CDIN1: variants seen among roughly 807,000 people sequenced by gnomAD.
The protein encoded by CDIN1 is CDAN1 interacting nuclease 1, also known as CDAN1-interacting nuclease 1.
Under a neutral mutation model 45.3 loss-of-function variants are expected in CDIN1, and 33 were observed. That is an observed-to-expected ratio of 0.73 (90% CI 0.55 to 0.97). The LOEUF is 0.97. Ranked by LOEUF, CDIN1 falls within the 50% of genes least tolerant of loss-of-function variation. The pLI, the probability that CDIN1 is intolerant of heterozygous loss-of-function variation, is 0.00. For missense variants in CDIN1, 303 were observed against 339.4 expected, an observed-to-expected ratio of 0.89 and a Z score of 0.84; for synonymous variants, 118 against 124.4, an observed-to-expected ratio of 0.95 and a Z score of 0.34.
chr15:36,634,768 A>C (rs1452260589), intron 1 of CDIN1, among the ~76,000 whole-genome samples: 3 of 152,186 alleles, frequency 2.0e-5, no homozygotes, highest in Non-Finnish European at 4.4e-5. Flanking sequence ...CAGTAAAACC[A>C]GTTCCTTTCG....
At position 36,774,133 on chromosome 15, in the gene CDIN1, G is replaced by GGTGTGTGTGT. The variant is rs761451923; in HGVS notation, c.717-34169_717-34160dup. On this transcript the variant is annotated intron_variant, in intron 10 of 10. Coordinates refer to ENST00000566621, the MANE Select transcript of CDIN1 (RefSeq NM_001321759.2). ...CACCTGCCGGCAAGTAACTGACAGG[G>GGTGTGTGTGT]GTGTGTGTGTGTGTGTGTGTGTGTG... Among the ~76,000 whole-genome samples, 1,308 of 138,766 alleles carry GGTGTGTGTGT rather than the reference G, an allele frequency of 9.4e-3. 21 individuals carry two copies. Among genetic ancestry groups the GGTGTGTGTGT allele is most frequent in the African/African-American group, 0.034 (1,237 of 36,712 alleles). The allele number at this position is 138,766 out of a possible 152,430, so 91.0% of individuals were successfully genotyped here.
chr15:36,658,675 G>A (rs1230066224), intron 5 of CDIN1, among the ~76,000 whole-genome samples: 1 of 152,094 alleles, frequency 6.6e-6, no homozygotes, highest in Non-Finnish European at 1.5e-5. Context: ...GCTCAGCTGT[G>A]GTAGAATAGG....
At position 36,657,895 on chromosome 15, in the gene CDIN1, G is replaced by A; in HGVS notation, c.336G>A (p.Glu112=). ...TGGAGAGGTTTCTACAGGAACACGA[G>A]GAAACTCCACGTGAGTTACCCTTTT... The part of the protein sequence containing the change: ...LILERFLQEH[E]ETPPSKSIIN... Residue 112 remains glutamate, a synonymous_variant, in exon 5 of 11, where the codon GAG becomes GAA. Transcript: ENST00000566621. The A allele has an allele frequency of 6.2e-7, 1 of 1,611,216 alleles. No homozygotes were observed.
chr15:36,788,330 G>T (rs1273662047), intron 10 of CDIN1, among the ~76,000 whole-genome samples: 1 of 151,278 alleles, frequency 6.6e-6, no homozygotes, highest in African/African-American at 2.4e-5. Context: ...TGGTCAGGCT[G>T]GTCTTGAACT....
At chr15:36,673,832 TTCTTAGA>T (rs2041542891) in intron 5 of CDIN1, among the ~76,000 whole-genome samples, 1 of 152,104 alleles carries the variant, frequency 6.6e-6, no homozygotes, top group African/African-American at 2.4e-5. Flanking sequence ...GCAAGGACAT[TTCTTAGA>T]CTGATGCTCA....
chr15:36,587,447 C>A (rs984052429), intron 1 of CDIN1, among the ~76,000 whole-genome samples: 1 of 151,756 alleles, frequency 6.6e-6, no homozygotes, highest in African/African-American at 2.4e-5. Flanking sequence ...GTGTATTGTG[C>A]TGTGTACAGT....
chr15:36,635,629 A>G (rs1432374110), intron 1 of CDIN1, among the ~76,000 whole-genome samples: 4 of 152,200 alleles, frequency 2.6e-5, no homozygotes, highest in Admixed American at 2.0e-4. Context: ...CAAGAATGAG[A>G]GCCAGTAAAG....
intron 10 of CDIN1, among the ~76,000 whole-genome samples, chr15:36,792,315 CA>C (rs1158295226): frequency 6.6e-6 from 1 of 152,066 alleles, no homozygotes. Flanking sequence ...AAAAAACAAT[CA>C]GAAGGGAACT....
chr15:36,721,928 T>G (rs999701305), intron 10 of CDIN1, among the ~76,000 whole-genome samples: 1 of 152,086 alleles, frequency 6.6e-6, no homozygotes, highest in Non-Finnish European at 1.5e-5. Flanking sequence ...GGGCTCGCCA[T>G]TTGGACATCA....
intron 10 of CDIN1, among the ~76,000 whole-genome samples, chr15:36,730,879 A>G (rs993685865): frequency 6.6e-6 from 1 of 152,076 alleles, no homozygotes; most frequent in Admixed American, 6.6e-5. Flanking sequence ...AATTTTTAGT[A>G]TTTCCTAAAT....
intron 1 of CDIN1, among the ~76,000 whole-genome samples, chr15:36,610,904 A>G (rs2038618268): frequency 6.6e-6 from 1 of 152,220 alleles, no homozygotes; most frequent in African/African-American, 2.4e-5. Context: ...GTTTTGTGCT[A>G]CTAGGAATTT....
At chr15:36,728,135 G>A (rs2043705559) in intron 10 of CDIN1, among the ~76,000 whole-genome samples, 1 of 152,202 alleles carries the variant, frequency 6.6e-6, no homozygotes, top group Admixed American at 6.5e-5. Flanking sequence ...GGCTTTGTAT[G>A]TGGAGGGAGG....
intron 6 of CDIN1, 127 bp from the exon 7 acceptor site, chr15:36,691,999 T>G: frequency 1.0e-6 from 1 of 985,636 alleles, no homozygotes; most frequent in Non-Finnish European, 1.5e-6. Flanking sequence ...AACCGCCTTT[T>G]GATAGCTTTC....
At chr15:36,689,652 G>T (rs1175011017) in intron 5 of CDIN1, among the ~76,000 whole-genome samples, 1 of 152,172 alleles carries the variant, frequency 6.6e-6, no homozygotes, top group African/African-American at 2.4e-5. Context: ...TTAGAATTAG[G>T]TTGGGAATAC....
At chr15:36,637,977 G>C (rs2039968122) in intron 1 of CDIN1, among the ~76,000 whole-genome samples, 1 of 152,132 alleles carries the variant, frequency 6.6e-6, no homozygotes, top group South Asian at 2.1e-4. Flanking sequence ...GTAGTGATTG[G>C]ATGCGTTATC....
chr15:36,640,718 T>C (rs142205060), intron 1 of CDIN1: 2 of 840,604 alleles, frequency 2.4e-6, no homozygotes, highest in South Asian at 5.5e-5. Flanking sequence ...TGCATGAATG[T>C]TGCATTGCAA....
chr15:36,698,939 C>T (rs1162194549), intron 8 of CDIN1, among the ~76,000 whole-genome samples: 1 of 152,176 alleles, frequency 6.6e-6, no homozygotes, highest in African/African-American at 2.4e-5. Flanking sequence ...AAATTAGATT[C>T]ACCATGGCTG....
At chr15:36,739,657 C>T (rs2044162449) in intron 10 of CDIN1, among the ~76,000 whole-genome samples, 1 of 152,144 alleles carries the variant, frequency 6.6e-6, no homozygotes, top group Non-Finnish European at 1.5e-5. Context: ...CCATTACTGG[C>T]AAGTATCAAA....
At chr15:36,663,949 G>A (rs1053644505) in intron 5 of CDIN1, among the ~76,000 whole-genome samples, 13 of 152,314 alleles carry the variant, frequency 8.5e-5, no homozygotes, top group African/African-American at 2.2e-4. Flanking sequence ...AATTCTGAGT[G>A]TAGTGAGAAA....
Sources: gnomAD v4.1 joint callset for allele counts (sites outside exome capture counted in the v4.1 genomes callset) on GRCh38, gnomAD v4.1.1 for gene constraint, MANE v1.5 for transcripts, NCBI Gene and HGNC (gene_info 2026-07-23, HGNC 2026-07-21) for gene names.